RUFY3: variants seen among roughly 807,000 people sequenced by gnomAD.
The protein encoded by RUFY3 is RUN and FYVE domain containing 3, also known as protein RUFY3.
In RUFY3, 34 loss-of-function variants were observed where a neutral mutation model predicts 84.0. That is an observed-to-expected ratio of 0.40 (90% CI 0.31 to 0.54). The LOEUF (loss-of-function observed/expected upper bound fraction) is 0.54. Among genes scored for constraint, RUFY3 ranks in the 20% least tolerant of loss-of-function variants. The pLI is 0.39. For synonymous variants in RUFY3, 242 were observed against 252.9 expected, an observed-to-expected ratio of 0.96 and a Z score of 0.41; for missense variants, 507 against 736.8, an observed-to-expected ratio of 0.69 and a Z score of 3.61.
intron 1 of RUFY3, among the ~76,000 whole-genome samples, chr4:70,745,565 G>A (rs547681640): frequency 4.6e-5 from 7 of 152,196 alleles, no homozygotes; most frequent in South Asian, 2.1e-4. Context: ...ATTACTGCCC[G>A]TCTCTCTGAG....
At position 70,806,593 on chromosome 4, in the gene RUFY3, G is replaced by A. The variant is rs565050373; in HGVS notation, c.1797G>A (p.Lys599=). ...AACTGCCTCTTCCTTCAAGTATCAA[G>A]CTTGAGCGAGTTTGCAATCCCTGTC... ...TNELPLPSSI[K]LERVCNPCHK... The change falls in exon 18 of 18, where the codon AAG becomes AAA. Residue 599 remains lysine, a synonymous_variant. Coordinates refer to ENST00000381006, the MANE Select transcript of RUFY3 (RefSeq NM_001037442.4). The A allele has an allele frequency of 1.9e-6, 3 of 1,614,140 alleles. No homozygotes were observed. Among genetic ancestry groups the A allele is most frequent in the South Asian group, 2.2e-5 (2 of 91,086 alleles).
At chr4:70,779,444 T>G (rs1460444244) in intron 8 of RUFY3, among the ~76,000 whole-genome samples, 1 of 152,212 alleles carries the variant, frequency 6.6e-6, no homozygotes, top group Non-Finnish European at 1.5e-5. Context: ...ATGTTTTACT[T>G]CTAATAAAAA....
At chr4:70,743,065 AT>A (rs1721576633) in intron 1 of RUFY3, among the ~76,000 whole-genome samples, 1 of 151,788 alleles carries the variant, frequency 6.6e-6, no homozygotes, top group Admixed American at 6.6e-5. Flanking sequence ...TATTATTATT[AT>A]TATATTTATT....
chr4:70,763,552 C>T lies in RUFY3; in HGVS notation c.353C>T (p.Ala118Val). ...TACTGCTTTATTTTTGTTGCCTTAG[C>T]TAAAAAAACTTTTCTCGGACAAAAT... is the stretch of plus-strand genomic sequence containing the variant. ...MEHCLKHGLKAKKTFLGQNKS... is the reference protein window; with the variant it reads ...MEHCLKHGLKVKKTFLGQNKS... The change falls in exon 3 of 18, where the codon GCT (alanine) becomes GTT (valine). Residue 118 changes from alanine (A) to valine (V), a missense_variant and splice_region_variant. This residue lies in a region of RUFY3 where 133 missense variants were observed against 301.1 expected (regional missense o/e 0.44). Coordinates refer to ENST00000381006, the MANE Select transcript of RUFY3 (RefSeq NM_001037442.4). The T allele has an allele frequency of 6.2e-7, 1 of 1,603,310 alleles. No individual in the cohort carries two copies. The highest frequency in any genetic ancestry group is 1.1e-5 in the South Asian group (1 of 88,656).
In RUFY3 at chr4:70,770,014, G is replaced by A. The variant is rs192448226; in HGVS notation, c.696+1353G>A. ...TTTTTTTATTTATAGTAGAGATGGG[G>A]TTTTGCCATATTGCCCAGGCTGATC... On this transcript the variant is annotated intron_variant, in intron 5 of 17. Transcript: ENST00000381006. Among the ~76,000 whole-genome samples the A allele has an allele frequency of 4.4e-3, 667 of 152,228 alleles. 3 individuals carry two copies. The highest frequency in any genetic ancestry group is 4.5e-3 in the Non-Finnish European group (308 of 68,024).
upstream of RUFY3, among the ~76,000 whole-genome samples, chr4:70,719,162 C>T (rs551187309): frequency 2.5e-4 from 38 of 152,322 alleles, no homozygotes; most frequent in South Asian, 4.1e-4. Flanking sequence ...TGCCCACCCC[C>T]GGGTCTTATT....
intron 1 of RUFY3, among the ~76,000 whole-genome samples, chr4:70,753,017 A>G (rs1162079286): frequency 2.0e-5 from 3 of 152,180 alleles, no homozygotes. Flanking sequence ...CAACGAGACT[A>G]TCTGGTCCTG....
chr4:70,800,123 G>T lies in RUFY3; in HGVS notation c.1558-18G>T. 2 of 1,596,972 alleles carry T rather than the reference G, an allele frequency of 1.3e-6. No homozygotes were observed. Among genetic ancestry groups the T allele is most frequent in the Non-Finnish European group, 8.5e-7 (1 of 1,174,674 alleles). On this transcript the variant is annotated intron_variant, in intron 14 of 17. Coordinates refer to ENST00000381006, the MANE Select transcript of RUFY3 (RefSeq NM_001037442.4). ...GCATTCTGAATAATTAATAAATTGG[G>T]CTGTTTTCTTTTGGCAGGATGGGAA...
chr4:70,804,142 G>A (rs1732581167), intron 16 of RUFY3, among the ~76,000 whole-genome samples: 1 of 152,140 alleles, frequency 6.6e-6, no homozygotes, highest in Non-Finnish European at 1.5e-5. Context: ...TAGAAATCAT[G>A]TTATTATAAA....
At chr4:70,725,514 A>G (rs1037156568) in intron 1 of RUFY3, among the ~76,000 whole-genome samples, 2 of 152,108 alleles carry the variant, frequency 1.3e-5, no homozygotes, top group African/African-American at 4.8e-5. Flanking sequence ...TATTTTTAGT[A>G]GAGACGGGGT....
intron 1 of RUFY3, among the ~76,000 whole-genome samples, chr4:70,723,390 A>G (rs7697363): frequency 0.099 from 15,038 of 152,224 alleles, 1,600 homozygotes; most frequent in African/African-American, 0.27. Context: ...TGGCATCCCT[A>G]TAGATTACAA....
At chr4:70,732,373 C>G (rs1309075709) in intron 1 of RUFY3, among the ~76,000 whole-genome samples, 1 of 152,206 alleles carries the variant, frequency 6.6e-6, no homozygotes, top group Admixed American at 6.5e-5. Context: ...CAACAAACTT[C>G]TGGTGAACTC....
chr4:70,705,408 C>G (rs1157940896), intron 1 of RUFY3: 2 of 733,608 alleles, frequency 2.7e-6, no homozygotes, highest in African/African-American at 3.7e-5. Context: ...AGCCGGGTGG[C>G]CGGGAGGCGG....
rs71211959 is a variant in RUFY3, at chr4:70,787,168, G to GAA, written c.1072-1619_1072-1618dup. On this transcript the variant is annotated intron_variant, in intron 10 of 17. Transcript: ENST00000381006. ...GGTGACAAAGTGAGACCCTGTCTCA[G>GAA]AAAAAAAAAAAAAAAAAAAATATAT... Among the ~76,000 whole-genome samples the GAA allele has an allele frequency of 5.4e-3, 285 of 52,350 alleles. 1 individual carries two copies. The highest frequency in any genetic ancestry group is 6.9e-3 in the Non-Finnish European group (215 of 31,092). The allele number at this position is 52,350 out of a possible 152,430, so 34.3% of individuals were successfully genotyped here.
chr4:70,741,068 A>G lies in RUFY3; in HGVS notation c.178+18317A>G, dbSNP rs188793240. Among the ~76,000 whole-genome samples, 10 of 152,050 alleles carry G rather than the reference A, an allele frequency of 6.6e-5. 1 individual carries two copies. The highest frequency in any genetic ancestry group is 1.7e-4 in the African/African-American group (7 of 41,500). On this transcript the variant is annotated intron_variant, in intron 1 of 17. Coordinates refer to ENST00000381006, the MANE Select transcript of RUFY3 (RefSeq NM_001037442.4). ...TAAACATCTGGCTTTATTGAATTAT[A>G]TGTGATTTATTTTGTGTATCTTCAA...
intron 1 of RUFY3, among the ~76,000 whole-genome samples, chr4:70,723,780 A>G (rs1291555788): frequency 3.3e-5 from 5 of 152,244 alleles, no homozygotes; most frequent in Non-Finnish European, 5.9e-5. Flanking sequence ...AAAGAAGACC[A>G]TAGGTGAATT....
chr4:70,723,330 A>G lies in RUFY3; in HGVS notation c.178+579A>G, dbSNP rs377130544. On this transcript the variant is annotated intron_variant, in intron 1 of 17. Coordinates refer to ENST00000381006, the MANE Select transcript of RUFY3 (RefSeq NM_001037442.4). ...ACTTTTCAGCATTTATTTATTGAAT[A>G]TGGACTCCTAAGAAAGCATAATGCC... Among the ~76,000 whole-genome samples the G allele has an allele frequency of 2.6e-5, 4 of 152,230 alleles. No individual in the cohort carries two copies. The East Asian group carries it at 7.7e-4, about 29-fold the overall frequency.
At chr4:70,774,442 C>G (rs13132642) in intron 6 of RUFY3, among the ~76,000 whole-genome samples, 5 of 147,452 alleles carry the variant, frequency 3.4e-5, no homozygotes, top group Admixed American at 6.8e-5. Context: ...AACCCCATCT[C>G]TACAATAATA....
At chr4:70,775,075 C>T in intron 6 of RUFY3, 93 bp from the exon 7 acceptor site, 7 of 843,806 alleles carry the variant, frequency 8.3e-6, no homozygotes, top group Admixed American at 4.8e-5. Context: ...ATTTTTTTCT[C>T]ATGTTTTATG....
Sources: gnomAD v4.1 joint callset for allele counts (sites outside exome capture counted in the v4.1 genomes callset) on GRCh38, gnomAD v4.1.1 for gene constraint, gnomAD v4.1.1 regional missense constraint, MANE v1.5 for transcripts, NCBI Gene and HGNC (gene_info 2026-07-23, HGNC 2026-07-21) for gene names.